The following PCDH9 variants were observed in gnomAD, a reference collection of about 807,000 sequenced individuals.
PCDH9 encodes protocadherin-9.
Under a neutral mutation model 70.6 loss-of-function variants are expected in PCDH9, and 24 were observed. The observed-to-expected ratio is 0.34, with a 90% CI of 0.25 to 0.48. PCDH9 has a LOEUF of 0.48. PCDH9 is among the 20% of genes least tolerant of loss of function. The probability of loss-of-function intolerance (pLI) is 0.99; values close to 1 mark genes in which losing one functional copy is unlikely to be tolerated. For missense variants in PCDH9, 1,281 were observed against 1,503.6 expected, an observed-to-expected ratio of 0.85 and a Z score of 2.45; for synonymous variants, 562 against 558.5, an observed-to-expected ratio of 1.01 and a Z score of -0.09.
intron 3 of PCDH9, among the ~76,000 whole-genome samples, chr13:66,801,014 C>T (rs199946069): frequency 1.4e-5 from 2 of 137,966 alleles, no homozygotes; most frequent in Admixed American, 7.4e-5. Context: ...TCTTTCTTTC[C>T]TTTTTTTTTT....
chr13:66,715,535 TTGAG>T (rs2078856920), intron 3 of PCDH9, among the ~76,000 whole-genome samples: 1 of 152,174 alleles, frequency 6.6e-6, no homozygotes, highest in Non-Finnish European at 1.5e-5. Flanking sequence ...CAATTTATAA[TTGAG>T]TTTCAACTCT....
At chr13:66,474,876 T>C (rs1446593619) in intron 4 of PCDH9, among the ~76,000 whole-genome samples, 3 of 152,094 alleles carry the variant, frequency 2.0e-5, no homozygotes, top group African/African-American at 4.8e-5. Context: ...TAATGAATTC[T>C]GAGGTGGAGC....
At position 66,834,688 on chromosome 13, in the gene PCDH9, T is replaced by C. The variant is rs551765293; in HGVS notation, c.3138+68816A>G. On this transcript the variant is annotated intron_variant, in intron 3 of 4. Transcript: ENST00000377865. ...ACATTGGGGAATCTAAAAATTAACC[T>C]TTCTGGTTGTGTTTCAGCTAGAACA... Among the ~76,000 whole-genome samples, 14 of 152,290 alleles carry C rather than the reference T, an allele frequency of 9.2e-5. No homozygotes were observed. In the East Asian group the frequency reaches 2.5e-3, roughly 27 times the overall value.
intron 2 of PCDH9, among the ~76,000 whole-genome samples, chr13:67,154,918 G>A (rs769915761): frequency 6.6e-6 from 1 of 151,632 alleles, no homozygotes; most frequent in Admixed American, 6.6e-5. Flanking sequence ...TTGCCATGTT[G>A]GTCAGTCTGG....
chr13:66,332,212 C>T (rs1955956258), intron 4 of PCDH9, among the ~76,000 whole-genome samples: 1 of 152,060 alleles, frequency 6.6e-6, no homozygotes, highest in African/African-American at 2.4e-5. Flanking sequence ...AAGTAACTTT[C>T]CACTATGAAG....
intron 3 of PCDH9, among the ~76,000 whole-genome samples, chr13:66,699,872 T>C (rs191028879): frequency 1.6e-4 from 25 of 152,206 alleles, no homozygotes; most frequent in African/African-American, 6.0e-4. Flanking sequence ...ATATAAAATA[T>C]TTAACTGTAT....
chr13:66,728,155 A>G (rs557841335), intron 3 of PCDH9, among the ~76,000 whole-genome samples: 34 of 152,132 alleles, frequency 2.2e-4, no homozygotes, highest in Non-Finnish European at 4.0e-4. Context: ...AAGACATCTC[A>G]ATGCTATTGA....
At chr13:66,738,226 G>A (rs1255606632) in intron 3 of PCDH9, among the ~76,000 whole-genome samples, 2 of 151,350 alleles carry the variant, frequency 1.3e-5, no homozygotes, top group Non-Finnish European at 3.0e-5. Flanking sequence ...CCCCCAGCAG[G>A]GGCACACTGA....
chr13:66,465,446 C>T (rs1004678020), intron 4 of PCDH9, among the ~76,000 whole-genome samples: 2 of 151,780 alleles, frequency 1.3e-5, no homozygotes, highest in East Asian at 1.9e-4. Flanking sequence ...TAAACACATA[C>T]AAAATTAATT....
intron 4 of PCDH9, among the ~76,000 whole-genome samples, chr13:66,533,483 A>C (rs1187772724): frequency 6.6e-6 from 1 of 152,094 alleles, no homozygotes; most frequent in Non-Finnish European, 1.5e-5. Context: ...GTATTTAACT[A>C]TTAGTTATTT....
chr13:66,782,451 C>T (rs2080014184), intron 3 of PCDH9, among the ~76,000 whole-genome samples: 4 of 151,798 alleles, frequency 2.6e-5, no homozygotes, highest in South Asian at 2.1e-4. Context: ...AGTCACAACA[C>T]ACGATTAATG....
chr13:67,182,778 A>AT (rs1275768584), intron 2 of PCDH9, among the ~76,000 whole-genome samples: 1 of 152,032 alleles, frequency 6.6e-6, no homozygotes, highest in Non-Finnish European at 1.5e-5. Flanking sequence ...GATGGATAAA[A>AT]TTTATTCTGG....
chr13:67,118,463 C>T (rs1350976799), intron 2 of PCDH9, among the ~76,000 whole-genome samples: 1 of 152,042 alleles, frequency 6.6e-6, no homozygotes. Flanking sequence ...ATGCATAAGC[C>T]AACAGTTTTA....
At position 67,227,063 on chromosome 13, in the gene PCDH9, C is replaced by G; in HGVS notation, c.1378G>C (p.Glu460Gln). 1 of 1,614,152 alleles carries G rather than the reference C, an allele frequency of 6.2e-7. No individual in the cohort carries two copies. Among genetic ancestry groups the G allele is most frequent in the Non-Finnish European group, 8.5e-7 (1 of 1,179,990 alleles). ...ATTGGTGGGTTGTCATTTTCATCCT[C>G]AAGCTTAACCCTTACCAGGGCAGTC... ...NQTALVRVKL[E>Q]DENDNPPIFN... The change falls in exon 2 of 5, where the codon GAG (glutamate) becomes CAG (glutamine). Residue 460 changes from glutamate (E) to glutamine (Q), a missense_variant. Transcript: ENST00000377865. This position sits in a 1 kb window ranked among gnomAD's most constrained non-coding sequence, Gnocchi z 4.6.
At chr13:66,721,886 A>T (rs1306241576) in intron 3 of PCDH9, among the ~76,000 whole-genome samples, 1 of 152,162 alleles carries the variant, frequency 6.6e-6, no homozygotes, top group Non-Finnish European at 1.5e-5. Flanking sequence ...GAAATTCCTC[A>T]TATCTCCCAG....
At chr13:66,684,359 G>A (rs2078369862) in intron 3 of PCDH9, among the ~76,000 whole-genome samples, 1 of 152,116 alleles carries the variant, frequency 6.6e-6, no homozygotes, top group South Asian at 2.1e-4. Flanking sequence ...AGTGTTGTAA[G>A]TTACTTGGAG....
Position 67,227,942 on chromosome 13 carries a change from T to C in PCDH9, c.499A>G (p.Thr167Ala), listed in dbSNP as rs772476967. 1.2e-6 allele frequency: 2 copies of C among 1,614,136 alleles called. No homozygotes were observed. Among genetic ancestry groups the C allele is most frequent in the Non-Finnish European group, 1.7e-6 (2 of 1,180,024 alleles). The change falls in exon 2 of 5, where the codon ACA (threonine) becomes GCA (alanine). Residue 167 changes from threonine to alanine, a missense_variant. Physicochemically the swap from Thr to Ala is moderately conservative, Grantham distance 58. Transcript: ENST00000377865. This position sits in a 1 kb window ranked among gnomAD's most constrained non-coding sequence, Gnocchi z 4.6. ...INSRFPIPSA[T>A]DPDTGFNGVQ... ...CCATTGAAGCCTGTGTCAGGATCTG[T>C]TGCTGATGGAATTGGAAAGCGGCTG...
chr13:66,470,270 C>T (rs1387124251), intron 4 of PCDH9, among the ~76,000 whole-genome samples: 3 of 151,884 alleles, frequency 2.0e-5, no homozygotes, highest in Non-Finnish European at 4.4e-5. Context: ...ATTTAAAAAC[C>T]CAGTGTACCT....
chr13:66,800,585 A>G (rs1411695385), intron 3 of PCDH9, among the ~76,000 whole-genome samples: 1 of 152,182 alleles, frequency 6.6e-6, no homozygotes, highest in South Asian at 2.1e-4. Flanking sequence ...ATGCTCAAGC[A>G]TATCCTCATA....
Sources: allele counts gnomAD v4.1 joint callset (sites outside exome capture counted in the v4.1 genomes callset), GRCh38; gene constraint gnomAD v4.1.1; non-coding constraint Gnocchi (gnomAD v3.1); transcripts MANE v1.5; gene names NCBI Gene and HGNC (gene_info 2026-07-23, HGNC 2026-07-21).